The following KCNJ3 variants were observed in gnomAD, a reference collection of about 807,000 sequenced individuals.
KCNJ3 encodes G protein-activated inward rectifier potassium channel 1.
Under a neutral mutation model 39.2 loss-of-function variants are expected in KCNJ3, and 4 were observed. The ratio of observed to expected loss-of-function variants is 0.10; its 90% CI spans 0.05 to 0.23. The LOEUF (loss-of-function observed/expected upper bound fraction) is 0.23. Ranked by LOEUF, KCNJ3 falls within the 10% of genes least tolerant of loss-of-function variation. The pLI, the probability that KCNJ3 is intolerant of heterozygous loss-of-function variation, is 1.00. For missense variants in KCNJ3, 276 were observed against 634.9 expected (o/e 0.43, Z 6.08); for synonymous variants, 230 against 237.4 (o/e 0.97, Z 0.29).
intron 2 of KCNJ3, among the ~76,000 whole-genome samples, chr2:154,765,448 A>G (rs965407189): frequency 1.3e-5 from 2 of 152,188 alleles, no homozygotes; most frequent in Non-Finnish European, 2.9e-5. Flanking sequence ...AAGCCCAAAA[A>G]GAAGTGACTT....
In KCNJ3 at chr2:154,699,267, C is replaced by G; in HGVS notation, c.492C>G (p.Phe164Leu). 2 of 1,614,122 alleles carry G rather than the reference C, an allele frequency of 1.2e-6. No individual in the cohort carries two copies. Among genetic ancestry groups the G allele is most frequent in the East Asian group, 2.2e-5 (1 of 44,874 alleles). ...CCGAGGGCATCATCCTCTTCCTCTTCCAGTCCATCCTGGGCTCCATCGTGG... is the reference window on the plus strand; with the variant it reads ...CCGAGGGCATCATCCTCTTCCTCTTGCAGTCCATCCTGGGCTCCATCGTGG... ...KCPEGIILFLFQSILGSIVDA... is the reference protein window; with the variant it reads ...KCPEGIILFLLQSILGSIVDA... The change falls in exon 1 of 3, where the codon TTC becomes TTG. Residue 164 changes from phenylalanine to leucine, a missense_variant. This residue lies in a region of KCNJ3 where 46 missense variants were observed against 206.6 expected (regional missense o/e 0.22). Coordinates refer to ENST00000295101, the MANE Select transcript of KCNJ3 (RefSeq NM_002239.4). This position sits in a 1 kb window ranked among gnomAD's most constrained non-coding sequence, Gnocchi z 6.4.
Position 154,794,091 on chromosome 2 carries a change from C to G in KCNJ3, c.920-60636C>G, listed in dbSNP as rs201029404. Among the ~76,000 whole-genome samples the G allele has an allele frequency of 3.9e-5, 6 of 151,958 alleles. No individual in the cohort carries two copies. In the East Asian group the frequency reaches 9.7e-4, roughly 25 times the overall value. On this transcript the variant is annotated intron_variant, in intron 2 of 2. Transcript: ENST00000295101. Reference sequence around the variant, plus strand: ...TTTGCTGAATTGGGAGATGACATTTCAAATCTAACTAAAGAATCAGATTAA... The same window carrying G: ...TTTGCTGAATTGGGAGATGACATTTGAAATCTAACTAAAGAATCAGATTAA...
rs916961307 is a variant in KCNJ3 at position 154,858,122 on chromosome 2, G to A, written c.*2809G>A. ...ATCTTTTCCACACATGCGTGGGAAA[G>A]GTATGATTTCTGCATGTAATTGCAG... is the stretch of plus-strand genomic sequence containing the variant. On this transcript the variant is annotated 3_prime_UTR_variant, in exon 3 of 3. Coordinates refer to ENST00000295101, the MANE Select transcript of KCNJ3 (RefSeq NM_002239.4). 3 of 151,864 alleles carry A rather than the reference G, an allele frequency of 2.0e-5. No homozygotes were observed. The highest frequency in any genetic ancestry group is 4.8e-5 in the African/African-American group (2 of 41,326). 9.4% of individuals were successfully genotyped at this position (151,864 alleles called of 1,614,324 possible). A position where few individuals can be genotyped will look rare whatever the true frequency, so the allele number is the denominator to read the frequency against.
At chr2:154,702,296 A>T (rs1034318466) in intron 1 of KCNJ3, among the ~76,000 whole-genome samples, 4 of 151,994 alleles carry the variant, frequency 2.6e-5, no homozygotes, top group Non-Finnish European at 5.9e-5. Context: ...ACTATAGTGC[A>T]TGTATTCTTT....
intron 2 of KCNJ3, among the ~76,000 whole-genome samples, chr2:154,792,087 A>G (rs568616071): frequency 6.6e-6 from 1 of 152,194 alleles, no homozygotes; most frequent in South Asian, 2.1e-4. Context: ...CACTGCCGTC[A>G]TCTTGTGCTC....
chr2:154,838,462 A>G (rs1465836192), intron 2 of KCNJ3, among the ~76,000 whole-genome samples: 1 of 152,174 alleles, frequency 6.6e-6, no homozygotes, highest in East Asian at 1.9e-4. Context: ...GTCATATGAG[A>G]AAAAGAACAG....
intron 2 of KCNJ3, among the ~76,000 whole-genome samples, chr2:154,783,344 G>A (rs1290256134): frequency 1.3e-5 from 2 of 152,152 alleles, no homozygotes; most frequent in African/African-American, 4.8e-5. Flanking sequence ...ATGAGTTTTA[G>A]TGATGTTAAC....
intron 2 of KCNJ3, among the ~76,000 whole-genome samples, chr2:154,800,038 T>C (rs2105216051): frequency 6.6e-6 from 1 of 152,284 alleles, no homozygotes; most frequent in South Asian, 2.1e-4. Context: ...TACCAAGTCT[T>C]GAAGGAATTT....
At chr2:154,763,842 A>G (rs1366298816) in intron 2 of KCNJ3, among the ~76,000 whole-genome samples, 1 of 152,226 alleles carries the variant, frequency 6.6e-6, no homozygotes. Context: ...GAGGTTAGAT[A>G]GAAACAAGTG....
intron 2 of KCNJ3, among the ~76,000 whole-genome samples, chr2:154,746,000 C>G: frequency 6.6e-6 from 1 of 151,626 alleles, no homozygotes; most frequent in Non-Finnish European, 1.5e-5. Context: ...CTACTGTTCC[C>G]CAGGTAGCGA....
Position 154,751,386 on chromosome 2 carries a change from C to T in KCNJ3, c.919+41567C>T, listed in dbSNP as rs564767663. Among the ~76,000 whole-genome samples the T allele has an allele frequency of 1.4e-3, 210 of 151,766 alleles. 1 individual carries two copies. The highest frequency in any genetic ancestry group is 2.3e-3 in the Non-Finnish European group (156 of 67,876). ...TCTAATTTTTATTTCATTTTTGAAC[C>T]AGGATATTTAGTACTTTATTTCATA... is the stretch of plus-strand genomic sequence containing the variant. On this transcript the variant is annotated intron_variant, in intron 2 of 2. Transcript: ENST00000295101.
At chr2:154,845,339 G>A (rs1013721836) in intron 2 of KCNJ3, among the ~76,000 whole-genome samples, 4 of 151,888 alleles carry the variant, frequency 2.6e-5, no homozygotes, top group Non-Finnish European at 2.9e-5. Flanking sequence ...GGCTGGTCTC[G>A]AACTCCTGAC....
intron 2 of KCNJ3, among the ~76,000 whole-genome samples, chr2:154,748,700 A>G (rs761337662): frequency 6.6e-6 from 1 of 152,152 alleles, no homozygotes; most frequent in Non-Finnish European, 1.5e-5. Context: ...TTATGAAAAT[A>G]GAGTAAGTAA....
intron 2 of KCNJ3, among the ~76,000 whole-genome samples, chr2:154,787,403 T>C (rs980367888): frequency 6.6e-6 from 1 of 152,108 alleles, no homozygotes; most frequent in Non-Finnish European, 1.5e-5. Context: ...ATGGAGCTGC[T>C]CTCAGTCAGG....
At chr2:154,734,344 T>TA (rs1685489006) in intron 2 of KCNJ3, among the ~76,000 whole-genome samples, 1 of 152,132 alleles carries the variant, frequency 6.6e-6, no homozygotes, top group Non-Finnish European at 1.5e-5. Flanking sequence ...TGCTGGAGGG[T>TA]AGCACCTCCT....
intron 2 of KCNJ3, among the ~76,000 whole-genome samples, chr2:154,853,570 T>G (rs1687791409): frequency 6.6e-6 from 1 of 152,114 alleles, no homozygotes; most frequent in Admixed American, 6.6e-5. Flanking sequence ...ATCATTATCT[T>G]ACATTTTAAT....
chr2:154,778,800 G>A (rs952679938), intron 2 of KCNJ3, among the ~76,000 whole-genome samples: 6 of 152,070 alleles, frequency 3.9e-5, no homozygotes, highest in African/African-American at 1.4e-4. Context: ...GTGGTTAGAA[G>A]AGTGGTTAAT....
intron 2 of KCNJ3, among the ~76,000 whole-genome samples, chr2:154,786,940 G>C (rs1181987827): frequency 1.3e-5 from 2 of 152,168 alleles, no homozygotes; most frequent in Non-Finnish European, 2.9e-5. Context: ...CTATGAGCCA[G>C]AGAATATTAA....
intron 2 of KCNJ3, among the ~76,000 whole-genome samples, chr2:154,851,876 A>G (rs555526588): frequency 1.3e-5 from 2 of 152,222 alleles, no homozygotes; most frequent in Admixed American, 6.5e-5. Context: ...TATTTTCCCA[A>G]TTGTAATGGT....
Sources: allele counts gnomAD v4.1 joint callset (sites outside exome capture counted in the v4.1 genomes callset), GRCh38; gene constraint gnomAD v4.1.1; regional missense constraint gnomAD v4.1.1; non-coding constraint Gnocchi (gnomAD v3.1); transcripts MANE v1.5; gene names NCBI Gene and HGNC (gene_info 2026-07-23, HGNC 2026-07-21).